The following DGKG variants were observed in gnomAD, a reference collection of about 807,000 sequenced individuals.
DGKG encodes the protein DAG kinase gamma.
DGKG carries 78 observed loss-of-function variants against 105.3 expected under a neutral mutation model. The observed-to-expected ratio is 0.74, with a 90% CI of 0.62 to 0.89. The LOEUF (loss-of-function observed/expected upper bound fraction) is 0.89. DGKG is among the 40% of genes least tolerant of loss of function. DGKG has a pLI of 0.00. For missense variants in DGKG, 958 were observed against 1,020.1 expected (o/e 0.94, Z 0.83); for synonymous variants, 346 against 367.1 (o/e 0.94, Z 0.66).
intron 20 of DGKG, among the ~76,000 whole-genome samples, chr3:186,233,276 C>T (rs1404410308): frequency 6.6e-6 from 1 of 152,088 alleles, no homozygotes; most frequent in Non-Finnish European, 1.5e-5. Context: ...ATGAGAAGGA[C>T]TCGACTGGCC....
intron 1 of DGKG, among the ~76,000 whole-genome samples, chr3:186,348,384 TTC>T (rs1491198783): frequency 2.9e-4 from 43 of 150,176 alleles, no homozygotes; most frequent in African/African-American, 8.6e-4. Flanking sequence ...TTTTTTTTTT[TTC>T]CTTGTCTGAG....
Position 186,148,503 on chromosome 3 carries a change from T to G in DGKG, c.*1587A>C, listed in dbSNP as rs1396817882. ...GGGGATATCCCATCCACGCATGTGC[T>G]GTACGTTTGTTCCTCCCTGGCAACC... On this transcript the variant is annotated 3_prime_UTR_variant, in exon 25 of 25. Transcript: ENST00000265022. The G allele has an allele frequency of 1.0e-6, 1 of 985,360 alleles. No homozygotes were observed. The highest frequency in any genetic ancestry group is 6.1e-5 in the Admixed American group (1 of 16,266). The allele number at this position is 985,360 out of a possible 1,614,324, so 61.0% of individuals were successfully genotyped here.
chr3:186,313,921 GC>G (rs1724680458), intron 2 of DGKG, among the ~76,000 whole-genome samples: 1 of 151,766 alleles, frequency 6.6e-6, no homozygotes, highest in African/African-American at 2.4e-5. Context: ...CACTCTACTG[GC>G]CAGCATAAAT....
intron 20 of DGKG, among the ~76,000 whole-genome samples, chr3:186,236,842 G>A (rs60383756): frequency 0.056 from 8,471 of 152,258 alleles, 289 homozygotes; most frequent in African/African-American, 0.1. Context: ...TGAGAGACGC[G>A]GTCAAGTGGA....
intron 20 of DGKG, among the ~76,000 whole-genome samples, chr3:186,237,235 AT>A (rs1161223580): frequency 2.0e-5 from 3 of 151,774 alleles, no homozygotes; most frequent in Non-Finnish European, 4.4e-5. Context: ...CTTTTTATTA[AT>A]TCCTCTGTCC....
At chr3:186,345,584 A>G (rs926808899) in intron 1 of DGKG, among the ~76,000 whole-genome samples, 1 of 152,168 alleles carries the variant, frequency 6.6e-6, no homozygotes, top group Non-Finnish European at 1.5e-5. Context: ...GAATGAAATG[A>G]CAGTCTCATA....
At chr3:186,241,699 T>C (rs545421298) in intron 20 of DGKG, among the ~76,000 whole-genome samples, 23 of 152,166 alleles carry the variant, frequency 1.5e-4, no homozygotes, top group African/African-American at 5.3e-4. Context: ...GTGTCTGAAA[T>C]AGTGGTCATC....
chr3:186,360,909 A>G (rs1022862120), intron 1 of DGKG, among the ~76,000 whole-genome samples: 1 of 152,106 alleles, frequency 6.6e-6, no homozygotes, highest in African/African-American at 2.4e-5. Flanking sequence ...CCTCCTCCCC[A>G]CAGAGAGGTC....
chr3:186,205,139 C>T (rs9820930), intron 21 of DGKG, among the ~76,000 whole-genome samples: 120,006 of 151,764 alleles, frequency 0.79, 47,816 homozygotes, highest in East Asian at 0.94. Flanking sequence ...TGCCTGTAAT[C>T]GCAGCTACTT....
intron 2 of DGKG, among the ~76,000 whole-genome samples, chr3:186,309,811 T>C (rs1724430310): frequency 1.3e-5 from 2 of 152,206 alleles, no homozygotes; most frequent in South Asian, 2.1e-4. Context: ...TCTAAAGAGC[T>C]GCTGCTCTAT....
intron 22 of DGKG, among the ~76,000 whole-genome samples, chr3:186,182,495 A>G (rs1717405844): frequency 6.6e-6 from 1 of 152,204 alleles, no homozygotes; most frequent in Non-Finnish European, 1.5e-5. Flanking sequence ...CATCTAATCC[A>G]TGACTGGTGC....
intron 1 of DGKG, among the ~76,000 whole-genome samples, chr3:186,348,325 A>T (rs1468120657): frequency 6.8e-6 from 1 of 146,430 alleles, no homozygotes; most frequent in Admixed American, 6.8e-5. Context: ...TTGAGTAAAT[A>T]CATTTTTTAA....
At chr3:186,216,011 G>A (rs1230313553) in intron 20 of DGKG, among the ~76,000 whole-genome samples, 3 of 151,074 alleles carry the variant, frequency 2.0e-5, no homozygotes, top group Non-Finnish European at 3.0e-5. Context: ...CCATTATTTG[G>A]GGGGTGGGGC....
intron 20 of DGKG, among the ~76,000 whole-genome samples, chr3:186,241,291 G>A (rs938708346): frequency 4.0e-5 from 6 of 151,788 alleles, no homozygotes; most frequent in African/African-American, 1.5e-4. Flanking sequence ...GACAATTCTT[G>A]CTTGTAATCC....
At chr3:186,186,578 A>G (rs1160929145) in intron 22 of DGKG, among the ~76,000 whole-genome samples, 1 of 152,242 alleles carries the variant, frequency 6.6e-6, no homozygotes, top group Non-Finnish European at 1.5e-5. Context: ...CCATCCACCT[A>G]TCAAAACTTT....
chr3:186,265,996 T>A lies in DGKG; in HGVS notation c.1210-690A>T, dbSNP rs1281301321. On this transcript the variant is annotated intron_variant, in intron 13 of 24. Transcript: ENST00000265022. Reference sequence around the variant, plus strand: ...TCGACTTGGCTTTTCGGCTGAGCACTATCTAATGATATGATATTGTCATTT... The same window carrying A: ...TCGACTTGGCTTTTCGGCTGAGCACAATCTAATGATATGATATTGTCATTT... 4.6e-5 allele frequency among the ~76,000 whole-genome samples: 7 copies of A among 152,190 alleles called. No individual in the cohort carries two copies. The East Asian group carries it at 1.3e-3, about 29-fold the overall frequency.
At chr3:186,321,721 G>A (rs762144442) in intron 1 of DGKG, among the ~76,000 whole-genome samples, 21 of 152,198 alleles carry the variant, frequency 1.4e-4, no homozygotes, top group Non-Finnish European at 7.3e-5. Flanking sequence ...ACCATTCTCT[G>A]GGGAAATGTG....
intron 2 of DGKG, among the ~76,000 whole-genome samples, chr3:186,309,997 G>A (rs1016347945): frequency 6.6e-6 from 1 of 150,982 alleles, no homozygotes; most frequent in Non-Finnish European, 1.5e-5. Context: ...AGCCGGGCGC[G>A]GTGGCTCACG....
intron 20 of DGKG, among the ~76,000 whole-genome samples, chr3:186,221,095 C>T (rs1452541549): frequency 6.6e-6 from 1 of 152,222 alleles, no homozygotes; most frequent in Non-Finnish European, 1.5e-5. Flanking sequence ...ACCAAATGTG[C>T]TCGCAGACAC....
Sources: allele counts gnomAD v4.1 joint callset (sites outside exome capture counted in the v4.1 genomes callset), GRCh38; gene constraint gnomAD v4.1.1; transcripts MANE v1.5; gene names NCBI Gene and HGNC (gene_info 2026-07-23, HGNC 2026-07-21).